The following VPS37A variants were observed in gnomAD, a reference collection of about 807,000 sequenced individuals.
VPS37A encodes the protein vacuolar protein sorting-associated protein 37A.
In VPS37A, 30 loss-of-function variants were observed where a neutral mutation model predicts 49.8. That is an observed-to-expected ratio of 0.60 (90% confidence interval 0.45 to 0.82). The LOEUF is 0.82. Ranked by LOEUF, VPS37A falls within the 40% of genes least tolerant of loss-of-function variation. The pLI is 0.00. For synonymous variants in VPS37A, 195 were observed against 160.6 expected, an observed-to-expected ratio of 1.21 and a Z score of -1.62; for missense variants, 593 against 464.4, an observed-to-expected ratio of 1.28 and a Z score of -2.55.
intron 1 of VPS37A, among the ~76,000 whole-genome samples, chr8:17,249,179 A>G (rs763726133): frequency 2.6e-5 from 4 of 152,196 alleles, no homozygotes; most frequent in Non-Finnish European, 5.9e-5. Context: ...TAAATACTAC[A>G]AAGTCTCTTG....
At chr8:17,293,385 C>A (rs1490737929) in intron 11 of VPS37A, among the ~76,000 whole-genome samples, 1 of 151,984 alleles carries the variant, frequency 6.6e-6, no homozygotes, top group Non-Finnish European at 1.5e-5. Context: ...TTCTTAGCTT[C>A]CTTGCATTGA....
intron 11 of VPS37A, among the ~76,000 whole-genome samples, chr8:17,290,836 C>T (rs1816072939): frequency 6.6e-6 from 1 of 152,094 alleles, no homozygotes; most frequent in Non-Finnish European, 1.5e-5. Context: ...TGAGCTATTA[C>T]TGCCTCGGTT....
At chr8:17,271,239 G>A (rs1002071757) in intron 4 of VPS37A, among the ~76,000 whole-genome samples, 3 of 152,122 alleles carry the variant, frequency 2.0e-5, no homozygotes, top group Admixed American at 1.3e-4. Context: ...AGAAATTAAG[G>A]GTCTGTTAGC....
At chr8:17,306,015 C>A, downstream of VPS37A, 1 of 1,412,744 alleles carries the variant, frequency 7.1e-7, no homozygotes, top group Non-Finnish European at 9.7e-7. Flanking sequence ...AGTACAAAGC[C>A]ATAAATGCAA....
the VPS37A span, among the ~76,000 whole-genome samples, chr8:17,327,068 C>T: frequency 5.7e-4 from 87 of 152,246 alleles, no homozygotes; most frequent in Non-Finnish European, 9.0e-4. Context: ...AGCAATTTTA[C>T]GACCTGAATT....
chr8:17,331,182 A>T, the VPS37A span: 1 of 1,612,886 alleles, frequency 6.2e-7, no homozygotes, highest in Non-Finnish European at 8.5e-7. Context: ...GTTCCTCATG[A>T]CATGGATGTT....
chr8:17,250,495 C>G (rs1306743007), intron 1 of VPS37A, among the ~76,000 whole-genome samples: 1 of 152,104 alleles, frequency 6.6e-6, no homozygotes, highest in Non-Finnish European at 1.5e-5. Flanking sequence ...TACATGCTGT[C>G]CATCTCCCTC....
chr8:17,272,305 C>A (rs1157493643), intron 4 of VPS37A, among the ~76,000 whole-genome samples: 2 of 152,106 alleles, frequency 1.3e-5, no homozygotes, highest in Non-Finnish European at 2.9e-5. Flanking sequence ...AGCAGCATTC[C>A]ACTTCCAGGT....
At chr8:17,328,079 C>T in the VPS37A span, among the ~76,000 whole-genome samples, 17 of 152,130 alleles carry the variant, frequency 1.1e-4, no homozygotes, top group Non-Finnish European at 2.4e-4. Context: ...CTAACAGTCA[C>T]GTGGAAGGTA....
At chr8:17,280,464 C>A in intron 9 of VPS37A, 21 bp downstream of exon 9, 3 of 1,575,204 alleles carry the variant, frequency 1.9e-6, no homozygotes. Flanking sequence ...TTATTTTTTT[C>A]CCTTTGCCAT....
At chr8:17,303,610 CT>C (rs10589081), downstream of VPS37A, among the ~76,000 whole-genome samples, 783 of 141,092 alleles carry the variant, frequency 5.5e-3, 5 homozygotes, top group Non-Finnish European at 6.3e-3. Flanking sequence ...TACATACAAT[CT>C]TTTTTTTTTT....
intron 11 of VPS37A, among the ~76,000 whole-genome samples, chr8:17,294,293 G>A (rs889472225): frequency 1.3e-5 from 2 of 152,128 alleles, no homozygotes; most frequent in Non-Finnish European, 1.5e-5. Flanking sequence ...AATGGTGGAC[G>A]CCCCTCCCCC....
chr8:17,328,937 T>C, the VPS37A span, among the ~76,000 whole-genome samples: 1 of 152,054 alleles, frequency 6.6e-6, no homozygotes. Context: ...AGATCATCTC[T>C]ATAGAGGACC....
Position 17,295,809 on chromosome 8 carries a change from G to C in VPS37A, c.*823G>C, listed in dbSNP as rs1816582276. 4 of 152,122 alleles carry C rather than the reference G, an allele frequency of 2.6e-5. No individual in the cohort carries two copies. The highest frequency in any genetic ancestry group is 2.6e-4 in the Admixed American group (4 of 15,268). The allele number at this position is 152,122 out of a possible 1,614,324, so 9.4% of individuals were successfully genotyped here. A position where few individuals can be genotyped will look rare whatever the true frequency, so the allele number is the denominator to read the frequency against. On this transcript the variant is annotated 3_prime_UTR_variant, in exon 12 of 12. Coordinates refer to ENST00000324849, the MANE Select transcript of VPS37A (RefSeq NM_152415.3). ...AAATCTATACACAAAAAAAGTCAGT[G>C]AACTTTTCTGACCTTTACTGTGAGT...
At chr8:17,248,012 T>G (rs991025806) in intron 1 of VPS37A, 11 of 519,696 alleles carry the variant, frequency 2.1e-5, no homozygotes, top group Non-Finnish European at 3.4e-5. Flanking sequence ...TCTTGATTGT[T>G]CTGTTGTCTT....
intron 11 of VPS37A, among the ~76,000 whole-genome samples, chr8:17,288,960 C>G (rs1218086824): frequency 6.6e-6 from 1 of 152,316 alleles, no homozygotes; most frequent in South Asian, 2.1e-4. Context: ...TTGCATGTCT[C>G]TAGTGACCAG....
chr8:17,310,905 G>A, the VPS37A span, among the ~76,000 whole-genome samples: 4 of 152,000 alleles, frequency 2.6e-5, no homozygotes, highest in Admixed American at 2.6e-4. Context: ...ACCATCCCAG[G>A]CAACTATATA....
chr8:17,324,841 T>C, the VPS37A span, among the ~76,000 whole-genome samples: 5 of 152,164 alleles, frequency 3.3e-5, no homozygotes, highest in Non-Finnish European at 5.9e-5. Flanking sequence ...TCTCCTCCAA[T>C]AGCTAAGTAA....
the VPS37A span, chr8:17,313,283 A>G: frequency 2.5e-6 from 4 of 1,596,336 alleles, no homozygotes; most frequent in Non-Finnish European, 3.4e-6. Context: ...TTTCTCTGCA[A>G]TTGCATACCT....
Sources: gnomAD v4.1 joint callset for allele counts (sites outside exome capture counted in the v4.1 genomes callset) on GRCh38, gnomAD v4.1.1 for gene constraint, MANE v1.5 for transcripts, NCBI Gene and HGNC (gene_info 2026-07-23, HGNC 2026-07-21) for gene names.